The following SPOCK3 variants were observed in gnomAD, a reference collection of about 807,000 sequenced individuals.
The protein encoded by SPOCK3 is testican-3.
Under a neutral mutation model 56.6 loss-of-function variants are expected in SPOCK3, and 30 were observed. The ratio of observed to expected loss-of-function variants is 0.53; its 90% CI spans 0.40 to 0.72. The LOEUF (loss-of-function observed/expected upper bound fraction) is 0.72, where lower values mean the gene tolerates loss of function less well. Ranked by LOEUF, SPOCK3 falls within the 30% of genes least tolerant of loss-of-function variation. SPOCK3 has a pLI of 0.00. For missense variants in SPOCK3, 527 were observed against 530.0 expected, an observed-to-expected ratio of 0.99 and a Z score of 0.06; for synonymous variants, 196 against 183.3, an observed-to-expected ratio of 1.07 and a Z score of -0.56.
chr4:167,091,088 A>G (rs956762718), intron 2 of SPOCK3, among the ~76,000 whole-genome samples: 1 of 152,208 alleles, frequency 6.6e-6, no homozygotes, highest in Non-Finnish European at 1.5e-5. Context: ...ATAGCTAAGT[A>G]CAACAGAAAC....
intron 6 of SPOCK3, among the ~76,000 whole-genome samples, chr4:166,805,114 T>C (rs1481367298): frequency 6.6e-6 from 1 of 152,064 alleles, no homozygotes; most frequent in Non-Finnish European, 1.5e-5. Flanking sequence ...ATATATGCCC[T>C]TTATATAAAT....
intron 2 of SPOCK3, among the ~76,000 whole-genome samples, chr4:167,094,602 C>A (rs1345002693): frequency 1.3e-5 from 2 of 151,976 alleles, no homozygotes; most frequent in African/African-American, 4.8e-5. Context: ...TCATTATGAG[C>A]AAACTAGGAA....
At chr4:166,826,487 T>C (rs1222072494) in intron 6 of SPOCK3, among the ~76,000 whole-genome samples, 1 of 152,056 alleles carries the variant, frequency 6.6e-6, no homozygotes, top group Non-Finnish European at 1.5e-5. Context: ...GAAAGAGCAA[T>C]CATTTCAAAA....
chr4:166,829,113 C>A (rs989660250), intron 6 of SPOCK3, among the ~76,000 whole-genome samples: 2 of 151,896 alleles, frequency 1.3e-5, no homozygotes, highest in Admixed American at 6.6e-5. Flanking sequence ...AATGATGTAA[C>A]CTCACCACAT....
At chr4:167,172,031 G>A (rs1730547505) in intron 2 of SPOCK3, among the ~76,000 whole-genome samples, 1 of 152,034 alleles carries the variant, frequency 6.6e-6, no homozygotes, top group Non-Finnish European at 1.5e-5. Context: ...TTTAAGAAAT[G>A]AAAGAAGCTA....
At chr4:166,899,383 T>C (rs920634964) in intron 5 of SPOCK3, among the ~76,000 whole-genome samples, 1 of 152,060 alleles carries the variant, frequency 6.6e-6, no homozygotes, top group Non-Finnish European at 1.5e-5. Flanking sequence ...TGATACCCTG[T>C]TGTTTGGCAA....
intron 6 of SPOCK3, among the ~76,000 whole-genome samples, chr4:166,885,219 T>A (rs1734071048): frequency 6.6e-6 from 1 of 150,566 alleles, no homozygotes; most frequent in Non-Finnish European, 1.5e-5. Context: ...CAATTTTTCC[T>A]GTTATTTCTT....
At chr4:167,234,211 T>A in intron 1 of SPOCK3, 38 bp from the exon 2 acceptor site, 1 of 1,596,334 alleles carries the variant, frequency 6.3e-7, no homozygotes, top group Non-Finnish European at 8.6e-7. Context: ...GGGGGGCATG[T>A]CAGTGTCAAA....
chr4:166,904,475 C>T (rs975541216), intron 5 of SPOCK3, among the ~76,000 whole-genome samples: 1 of 152,032 alleles, frequency 6.6e-6, no homozygotes, highest in East Asian at 1.9e-4. Context: ...ACTGTACATA[C>T]ACTTACTTAA....
intron 2 of SPOCK3, among the ~76,000 whole-genome samples, chr4:167,081,372 T>C (rs1757691321): frequency 6.6e-6 from 1 of 152,056 alleles, no homozygotes. Flanking sequence ...ATGTCTTCTT[T>C]TTTTACTATG....
At chr4:166,854,699 G>A (rs557495873) in intron 6 of SPOCK3, among the ~76,000 whole-genome samples, 20 of 152,286 alleles carry the variant, frequency 1.3e-4, no homozygotes, top group Admixed American at 1.3e-3. Context: ...AGAGGCTGGA[G>A]AGTTTCAGAT....
chr4:166,761,850 C>G (rs374400474), intron 7 of SPOCK3, among the ~76,000 whole-genome samples: 4 of 3,852 alleles, frequency 1.0e-3, no homozygotes, highest in East Asian at 1.9e-3. Context: ...ACATATGTAA[C>G]TAACCTGCAC....
chr4:166,990,429 T>A (rs1229570855), intron 4 of SPOCK3, among the ~76,000 whole-genome samples: 4 of 152,140 alleles, frequency 2.6e-5, no homozygotes, highest in African/African-American at 7.2e-5. Context: ...AATATTTTTT[T>A]AAAAATCTAA....
intron 6 of SPOCK3, among the ~76,000 whole-genome samples, chr4:166,863,588 G>A (rs1264669088): frequency 6.6e-6 from 1 of 151,972 alleles, no homozygotes; most frequent in African/African-American, 2.4e-5. Flanking sequence ...AAGTGATGGA[G>A]GAATATTTAC....
rs967523768 is a variant in SPOCK3 at position 166,951,177 on chromosome 4, A to C, written c.351-38434T>G. On this transcript the variant is annotated intron_variant, in intron 4 of 10. Coordinates refer to ENST00000357545, the MANE Select transcript of SPOCK3 (RefSeq NM_001040159.2). ...TTTTTTGAAAGGATCAACAAAATTGATAGACTGCTAGCAAGACTAATAAAA... is the reference window on the plus strand; with the variant it reads ...TTTTTTGAAAGGATCAACAAAATTGCTAGACTGCTAGCAAGACTAATAAAA... Among the ~76,000 whole-genome samples, 24 of 144,010 alleles carry C rather than the reference A, an allele frequency of 1.7e-4. 1 individual carries two copies. The highest frequency in any genetic ancestry group is 2.8e-4 in the Non-Finnish European group (19 of 67,060). The allele number at this position is 144,010 out of a possible 152,430, so 94.5% of individuals were successfully genotyped here. A position where few individuals can be genotyped will look rare whatever the true frequency, so the allele number is the denominator to read the frequency against.
intron 4 of SPOCK3, among the ~76,000 whole-genome samples, chr4:166,963,837 G>A (rs567818461): frequency 6.6e-6 from 1 of 151,818 alleles, no homozygotes; most frequent in Admixed American, 6.6e-5. Flanking sequence ...ACTTTCAAAA[G>A]CATAAATGAG....
chr4:167,231,217 G>T (rs192072997), intron 2 of SPOCK3, among the ~76,000 whole-genome samples: 10 of 151,846 alleles, frequency 6.6e-5, no homozygotes, highest in African/African-American at 2.2e-4. Context: ...TATTATTTAA[G>T]ATACTTTTAA....
intron 2 of SPOCK3, among the ~76,000 whole-genome samples, chr4:167,229,080 CCA>C (rs1736878749): frequency 6.6e-6 from 1 of 152,008 alleles, no homozygotes; most frequent in Non-Finnish European, 1.5e-5. Flanking sequence ...GTAATTATTA[CCA>C]CAGTTACAAA....
chr4:167,029,627 A>G (rs1219486562), intron 3 of SPOCK3, among the ~76,000 whole-genome samples: 2 of 152,056 alleles, frequency 1.3e-5, no homozygotes, highest in Non-Finnish European at 2.9e-5. Context: ...ATCTATTGTT[A>G]GTAGTAAGAT....
Sources: gnomAD v4.1 joint callset for allele counts (sites outside exome capture counted in the v4.1 genomes callset) on GRCh38, gnomAD v4.1.1 for gene constraint, MANE v1.5 for transcripts, NCBI Gene and HGNC (gene_info 2026-07-23, HGNC 2026-07-21) for gene names.